Variants in CSMD1 observed in about 807,000 individuals in gnomAD.
CSMD1 encodes CUB and Sushi multiple domains 1, also known as CUB and sushi domain-containing protein 1.
In CSMD1, 213 loss-of-function variants were observed where a neutral mutation model predicts 417.5. The ratio of observed to expected loss-of-function variants is 0.51; its 90% CI spans 0.46 to 0.57. The LOEUF (loss-of-function observed/expected upper bound fraction) is 0.57, where lower values mean the gene tolerates loss of function less well. Among genes scored for constraint, CSMD1 ranks in the 20% least tolerant of loss-of-function variants. The pLI is 0.00. For missense variants in CSMD1, 6,923 were observed against 4,529.7 expected, an observed-to-expected ratio of 1.53 and a Z score of -15.17; for synonymous variants, 2,862 against 1,736.8, an observed-to-expected ratio of 1.65 and a Z score of -16.11.
chr8:3,413,918 C>T (rs1018770719), intron 12 of CSMD1, among the ~76,000 whole-genome samples: 1 of 151,876 alleles, frequency 6.6e-6, no homozygotes, highest in African/African-American at 2.4e-5. Context: ...GTGGGATGAT[C>T]ACTTGAGATC....
At chr8:4,345,653 C>G (rs1000654183) in intron 3 of CSMD1, among the ~76,000 whole-genome samples, 1 of 152,032 alleles carries the variant, frequency 6.6e-6, no homozygotes, top group Non-Finnish European at 1.5e-5. Flanking sequence ...GTTCAAATGA[C>G]TGGAAGAGAC....
At chr8:3,295,552 T>C (rs1803902385) in intron 25 of CSMD1, among the ~76,000 whole-genome samples, 1 of 152,230 alleles carries the variant, frequency 6.6e-6, no homozygotes, top group Non-Finnish European at 1.5e-5. Flanking sequence ...AGTTTGTTTC[T>C]ACATTTTAAT....
chr8:3,620,871 A>C (rs561819640), intron 7 of CSMD1, among the ~76,000 whole-genome samples: 1 of 152,282 alleles, frequency 6.6e-6, no homozygotes, highest in South Asian at 2.1e-4. Flanking sequence ...AGGCTGAATT[A>C]TGTCCCTCCT....
intron 10 of CSMD1, among the ~76,000 whole-genome samples, chr8:3,541,651 A>T (rs1798443445): frequency 6.7e-6 from 1 of 149,920 alleles, no homozygotes; most frequent in South Asian, 2.1e-4. Context: ...TAATCAAATT[A>T]ATCAAAATAT....
intron 1 of CSMD1, among the ~76,000 whole-genome samples, chr8:4,914,561 G>A (rs1056010197): frequency 3.6e-5 from 5 of 140,470 alleles, no homozygotes; most frequent in African/African-American, 1.4e-4. Flanking sequence ...CTGGGAGACA[G>A]CGAGACTCCA....
intron 5 of CSMD1, among the ~76,000 whole-genome samples, chr8:3,934,670 A>G (rs1810367094): frequency 6.6e-6 from 1 of 152,148 alleles, no homozygotes; most frequent in African/African-American, 2.4e-5. Flanking sequence ...CCTGGCCAAC[A>G]TGATGAAACC....
At chr8:4,758,143 G>A (rs544550443) in intron 1 of CSMD1, among the ~76,000 whole-genome samples, 1 of 151,960 alleles carries the variant, frequency 6.6e-6, no homozygotes, top group Non-Finnish European at 1.5e-5. Context: ...CAACCAAAAT[G>A]GTGGTGTTTT....
intron 1 of CSMD1, among the ~76,000 whole-genome samples, chr8:4,965,656 G>A (rs1809810866): frequency 6.6e-6 from 1 of 152,168 alleles, no homozygotes; most frequent in Non-Finnish European, 1.5e-5. Context: ...TGGAATGAAA[G>A]TACATGCTCT....
At chr8:3,179,047 A>C (rs927972106) in intron 37 of CSMD1, among the ~76,000 whole-genome samples, 10 of 149,996 alleles carry the variant, frequency 6.7e-5, no homozygotes, top group African/African-American at 1.7e-4. Flanking sequence ...TCCCGGGTTC[A>C]CGCCATTCTC....
intron 5 of CSMD1, among the ~76,000 whole-genome samples, chr8:3,816,449 T>G (rs1327456020): frequency 2.0e-5 from 3 of 152,202 alleles, no homozygotes; most frequent in Non-Finnish European, 2.9e-5. Flanking sequence ...CATTGTTCTA[T>G]TCCGTTAGTA....
At chr8:4,103,587 G>C (rs1245613279) in intron 3 of CSMD1, among the ~76,000 whole-genome samples, 1 of 151,948 alleles carries the variant, frequency 6.6e-6, no homozygotes, top group Non-Finnish European at 1.5e-5. Flanking sequence ...AAAAATGTTG[G>C]ACTCATTCAG....
chr8:3,517,269 G>A (rs192470229), intron 10 of CSMD1, among the ~76,000 whole-genome samples: 19 of 152,306 alleles, frequency 1.2e-4, no homozygotes, highest in Admixed American at 2.6e-4. Flanking sequence ...ACACAGAGTT[G>A]TGAATCACAA....
intron 3 of CSMD1, among the ~76,000 whole-genome samples, chr8:4,344,102 G>A (rs983964592): frequency 1.3e-5 from 2 of 152,076 alleles, no homozygotes; most frequent in Admixed American, 6.6e-5. Context: ...CCAGCACCTC[G>A]AGTAAAAGGC....
chr8:4,809,292 A>G (rs1376003275), intron 1 of CSMD1, among the ~76,000 whole-genome samples: 1 of 152,200 alleles, frequency 6.6e-6, no homozygotes, highest in African/African-American at 2.4e-5. Context: ...TAAATGTGTT[A>G]TACATATTAA....
At chr8:3,337,429 T>C (rs1214798279) in intron 23 of CSMD1, among the ~76,000 whole-genome samples, 7 of 152,194 alleles carry the variant, frequency 4.6e-5, no homozygotes, top group Non-Finnish European at 1.0e-4. Context: ...CAAGGTTTAT[T>C]CTACAACCAA....
At chr8:3,762,859 G>C (rs911185487) in intron 5 of CSMD1, among the ~76,000 whole-genome samples, 1 of 152,200 alleles carries the variant, frequency 6.6e-6, no homozygotes, top group Non-Finnish European at 1.5e-5. Flanking sequence ...CCGAGACACG[G>C]TGGACAGTGT....
chr8:4,823,762 G>A (rs897956401), intron 1 of CSMD1, among the ~76,000 whole-genome samples: 5 of 151,744 alleles, frequency 3.3e-5, no homozygotes, highest in African/African-American at 7.3e-5. Flanking sequence ...CCAGTGTGGT[G>A]GTGGTGGCAG....
Position 4,416,466 on chromosome 8 carries a change from C to T in CSMD1, c.415+3487G>A, listed in dbSNP as rs557470486. Among the ~76,000 whole-genome samples, 8 of 152,088 alleles carry T rather than the reference C, an allele frequency of 5.3e-5. No individual in the cohort carries two copies. The East Asian group carries it at 1.2e-3, about 22-fold the overall frequency. ...TTTGAAATTATATTCATAATAAACA[C>T]GTGCATTAAAATTGATATTTAGACT... On this transcript the variant is annotated intron_variant, in intron 3 of 69. Transcript: ENST00000635120.
At chr8:3,903,517 G>A (rs1289624631) in intron 5 of CSMD1, among the ~76,000 whole-genome samples, 1 of 152,170 alleles carries the variant, frequency 6.6e-6, no homozygotes. Context: ...CTCATATACA[G>A]ATACAGTAAT....
Sources: gnomAD v4.1 joint callset for allele counts (sites outside exome capture counted in the v4.1 genomes callset) on GRCh38, gnomAD v4.1.1 for gene constraint, MANE v1.5 for transcripts, NCBI Gene and HGNC (gene_info 2026-07-23, HGNC 2026-07-21) for gene names.